Variants in CACNA1H observed in about 807,000 individuals in gnomAD.
The protein encoded by CACNA1H is calcium voltage-gated channel subunit alpha1 H.
Under a neutral mutation model 192.5 loss-of-function variants are expected in CACNA1H, and 149 were observed. The observed-to-expected ratio is 0.77, with a 90% CI of 0.68 to 0.89. CACNA1H has a LOEUF of 0.89. Ranked by LOEUF, CACNA1H falls within the 40% of genes least tolerant of loss-of-function variation. The pLI is 0.00. For synonymous variants in CACNA1H, 2,202 were observed against 1,475.2 expected, an observed-to-expected ratio of 1.49 and a Z score of -11.29; for missense variants, 4,257 against 3,423.5, an observed-to-expected ratio of 1.24 and a Z score of -6.08.
chr16:1,220,869 C>T lies in CACNA1H; in HGVS notation c.6937C>T (p.Pro2313Ser), dbSNP rs1270044133. ...LEPPESEPPM[P>S]VGDPPEKRRG... is the part of the protein sequence containing the mutation. ...ACCCCCAGAATCAGAGCCTCCCATG[C>T]CCGTCGGTGACCCCCCAGAGAAGAG... Residue 2313 changes from proline to serine, a missense_variant, in exon 35 of 35, where the codon CCC becomes TCC. Physicochemically the swap from Pro to Ser is moderately conservative, Grantham distance 74. Transcript: ENST00000348261. The T allele has an allele frequency of 6.2e-7, 1 of 1,612,750 alleles. No homozygotes were observed. The highest frequency in any genetic ancestry group is 1.3e-5 in the African/African-American group (1 of 75,050).
chr16:1,208,071 C>T lies in CACNA1H; in HGVS notation c.3213C>T (p.Ser1071=), dbSNP rs1376286786. ...TPNGHLEGRG[S]LSPPLIMCTA... ...ACGGGCACCTGGAGGGACGAGGCAGCCTGTCCCCTCCCCTCATCATGTGCA... is the reference window on the plus strand; with the variant it reads ...ACGGGCACCTGGAGGGACGAGGCAGTCTGTCCCCTCCCCTCATCATGTGCA... The change falls in exon 16 of 35, where the codon AGC becomes AGT. Residue 1071 remains serine (S), a synonymous_variant. Coordinates refer to ENST00000348261, the MANE Select transcript of CACNA1H (RefSeq NM_021098.3). 3 of 1,603,892 alleles carry T rather than the reference C, an allele frequency of 1.9e-6. No individual in the cohort carries two copies. Among genetic ancestry groups the T allele is most frequent in the Admixed American group, 1.7e-5 (1 of 59,074 alleles).
chr16:1,200,661 AC>A, intron 7 of CACNA1H, 54 bp from the exon 8 acceptor site: 1 of 1,561,194 alleles, frequency 6.4e-7, no homozygotes, highest in African/African-American at 1.4e-5. Flanking sequence ...CCCCAGGGGC[AC>A]GGGGAGGAGG....
Position 1,210,429 on chromosome 16 carries a change from T to C in CACNA1H, c.3905T>C (p.Val1302Ala), listed in dbSNP as rs1292652492. ...AAGATGTTTGATCACGTGGTCCTCGTCTTCATCTTCCTCAACTGCGTCACC... is the reference window on the plus strand; with the variant it reads ...AAGATGTTTGATCACGTGGTCCTCGCCTTCATCTTCCTCAACTGCGTCACC... ...THKMFDHVVL[V>A]FIFLNCVTIA... The change falls in exon 19 of 35, where the codon GTC becomes GCC. Residue 1302 changes from valine to alanine, a missense_variant. Coordinates refer to ENST00000348261, the MANE Select transcript of CACNA1H (RefSeq NM_021098.3). 6.3e-7 allele frequency: 1 copy of C among 1,592,362 alleles called. No homozygotes were observed. Among genetic ancestry groups the C allele is most frequent in the Admixed American group, 1.7e-5 (1 of 59,076 alleles).
rs35907691 is a variant in CACNA1H, at chr16:1,196,067, G to A, written c.643+44G>A. On this transcript the variant is annotated intron_variant, in intron 5 of 34. Transcript: ENST00000348261. ...CTGGGCTTGAGATCAACAGGCTTGC[G>A]TGTCCGCCAGCCCTGCAGAGCTCTC... is the stretch of plus-strand genomic sequence containing the variant. The A allele has an allele frequency of 1.6e-3, 2,386 of 1,478,312 alleles. 34 individuals carry two copies. The African/African-American group carries it at 0.027, about 17-fold the overall frequency. 91.6% of individuals were successfully genotyped at this position (1,478,312 alleles called of 1,614,324 possible).
At chr16:1,208,796 C>T (rs1969068806) in intron 16 of CACNA1H, among the ~76,000 whole-genome samples, 1 of 152,156 alleles carries the variant, frequency 6.6e-6, no homozygotes. Context: ...TGGTTCTGGC[C>T]CCTGACCCAG....
Position 1,209,601 on chromosome 16 carries a change from TC to T in CACNA1H, c.3744+195del, listed in dbSNP as rs370703115. The T allele has an allele frequency of 6.0e-4, 417 of 698,230 alleles. 7 individuals carry two copies. The East Asian group carries it at 9.4e-3, about 16-fold the overall frequency. 43.3% of individuals were successfully genotyped at this position (698,230 alleles called of 1,614,324 possible). A position where few individuals can be genotyped will look rare whatever the true frequency, so the allele number is the denominator to read the frequency against. On this transcript the variant is annotated intron_variant, in intron 17 of 34. Transcript: ENST00000348261. ...GATTCAGCCACAGATGATCCCAGAG[TC>T]CCCCCTCTGCCGTCTAGGGGCTGTG...
rs377633990 is a variant in CACNA1H, at chr16:1,202,359, G to A, written c.1909G>A (p.Ala637Thr). ...STSPGPKGKW[A>T]GGPPGTGGHG... ...CAGCCCCGGACCCAAGGGGAAGTGGGCCGGTGGACCGCCAGGCACCGGGGG... is the reference window on the plus strand; with the variant it reads ...CAGCCCCGGACCCAAGGGGAAGTGGACCGGTGGACCGCCAGGCACCGGGGG... Residue 637 changes from alanine to threonine, a missense_variant, in exon 9 of 35, where the codon GCC (alanine) becomes ACC (threonine). By Grantham distance (58) the Ala-to-Thr change is moderately conservative. Transcript: ENST00000348261. 6.4e-7 allele frequency: 1 copy of A among 1,565,058 alleles called. No individual in the cohort carries two copies. Among genetic ancestry groups the A allele is most frequent in the East Asian group, 2.4e-5 (1 of 41,788 alleles).
chr16:1,169,939 G>A (rs1964196451), intron 2 of CACNA1H, among the ~76,000 whole-genome samples: 1 of 152,236 alleles, frequency 6.6e-6, no homozygotes, highest in African/African-American at 2.4e-5. Context: ...GTTTTTCTGA[G>A]CGTTTGAAAT....
chr16:1,204,714 G>T (rs902830649), intron 10 of CACNA1H, among the ~76,000 whole-genome samples: 1 of 152,104 alleles, frequency 6.6e-6, no homozygotes, highest in Non-Finnish European at 1.5e-5. Flanking sequence ...CAGCCCTCTT[G>T]ACCCTTTGGG....
Position 1,200,297 on chromosome 16 carries a change from A to G in CACNA1H, c.845A>G (p.Glu282Gly). 1 of 1,605,892 alleles carries G rather than the reference A, an allele frequency of 6.2e-7. No individual in the cohort carries two copies. The highest frequency in any genetic ancestry group is 8.5e-7 in the Non-Finnish European group (1 of 1,176,510). The change falls in exon 7 of 35, where the codon GAG becomes GGG. Residue 282 changes from glutamate to glycine, a missense_variant. By Grantham distance (98) the Glu-to-Gly change is moderately conservative (BLOSUM62 -2). Transcript: ENST00000348261. ...TTCCTGCGGCCGTACTACCAGACGG[A>G]GGAGGGCGAGGAGAACCCGTTCATC... Reference protein sequence around the residue: ...LTFLRPYYQTEEGEENPFICS... With the variant: ...LTFLRPYYQTGEGEENPFICS...
intron 2 of CACNA1H, among the ~76,000 whole-genome samples, chr16:1,177,314 A>T (rs539433481): frequency 6.6e-6 from 1 of 152,238 alleles, no homozygotes; most frequent in Admixed American, 6.5e-5. Flanking sequence ...CCCGGCTCTG[A>T]CATTTACACA....
Position 1,153,712 on chromosome 16 carries a change from C to T in CACNA1H, c.-18-8C>T, listed in dbSNP as rs1363630441. 9.2e-6 allele frequency: 11 copies of T among 1,198,388 alleles called. No homozygotes were observed. Among genetic ancestry groups the T allele is most frequent in the African/African-American group, 1.6e-5 (1 of 62,552 alleles). 74.2% of individuals were successfully genotyped at this position (1,198,388 alleles called of 1,614,324 possible). A position where few individuals can be genotyped will look rare whatever the true frequency, so the allele number is the denominator to read the frequency against. ...CACCGGCCCCGGGTCACCCCCTGTC[C>T]TCTGCAGGTGCTGCCGGCCGCCACC... On this transcript the variant is annotated splice_polypyrimidine_tract_variant and splice_region_variant and intron_variant, in intron 1 of 34. Coordinates refer to ENST00000348261, the MANE Select transcript of CACNA1H (RefSeq NM_021098.3).
rs12922269 is a variant in CACNA1H, at chr16:1,199,506, T to C, written c.803+732T>C. Among the ~76,000 whole-genome samples, 42 of 137,752 alleles carry C rather than the reference T, an allele frequency of 3.0e-4. 8 individuals are homozygous for C. The highest frequency in any genetic ancestry group is 8.7e-4 in the African/African-American group (29 of 33,368). 90.4% of individuals were successfully genotyped at this position (137,752 alleles called of 152,430 possible). ...CCACCGTGCGGTCATTGCACATATG[T>C]CCCACCCCCAGTGCTGCCACCTCTC... On this transcript the variant is annotated intron_variant, in intron 6 of 34. Transcript: ENST00000348261.
In CACNA1H at chr16:1,184,805, C is replaced by G. The variant is rs185383621; in HGVS notation, c.300-10167C>G. On this transcript the variant is annotated intron_variant, in intron 2 of 34. Transcript: ENST00000348261. ...GGCGACTGCAGACAGGTGCGGGGCT[C>G]CAGCGAAGGGAAGCTGCCATTTAAA... Among the ~76,000 whole-genome samples, 22 of 152,354 alleles carry G rather than the reference C, an allele frequency of 1.4e-4. No homozygotes were observed. In the East Asian group the frequency reaches 4.0e-3, roughly 28 times the overall value.
intron 2 of CACNA1H, among the ~76,000 whole-genome samples, chr16:1,160,823 G>GGCC (rs1963098699): frequency 6.6e-6 from 1 of 152,122 alleles, no homozygotes; most frequent in East Asian, 1.9e-4. Context: ...GGGTGGGTGT[G>GGCC]GCCGCCGCCT....
intron 2 of CACNA1H, chr16:1,158,089 C>G (rs543563102): frequency 6.6e-6 from 1 of 152,430 alleles, no homozygotes; most frequent in African/African-American, 2.4e-5. Flanking sequence ...ACTGGCATTG[C>G]AGTGTTCCTG....
intron 13 of CACNA1H, 39 bp from the exon 14 acceptor site, chr16:1,207,236 G>T: frequency 6.4e-7 from 1 of 1,570,926 alleles, no homozygotes; most frequent in Non-Finnish European, 8.6e-7. Context: ...GGCATTTCGG[G>T]GCTGGGGTGA....
chr16:1,179,796 G>C lies in CACNA1H; in HGVS notation c.300-15176G>C, dbSNP rs189173459. 3.7e-4 allele frequency among the ~76,000 whole-genome samples: 53 copies of C among 143,090 alleles called. No individual in the cohort carries two copies. The Admixed American group carries it at 3.8e-3, about 10-fold the overall frequency. 93.9% of individuals were successfully genotyped at this position (143,090 alleles called of 152,430 possible). A position where few individuals can be genotyped will look rare whatever the true frequency, so the allele number is the denominator to read the frequency against. ...GTCGCCCAGGTTGGAGTGCAGTGGC[G>C]TGATCTCCGCTCACTGCAACCTCTG... On this transcript the variant is annotated intron_variant, in intron 2 of 34. Transcript: ENST00000348261.
At chr16:1,215,747 T>G (rs1452626957) in intron 30 of CACNA1H, among the ~76,000 whole-genome samples, 154 bp downstream of exon 30, 1 of 152,184 alleles carries the variant, frequency 6.6e-6, no homozygotes, top group Non-Finnish European at 1.5e-5. Flanking sequence ...GTGCATGGCT[T>G]GGCTGGGCTG....
Sources: allele counts gnomAD v4.1 joint callset (sites outside exome capture counted in the v4.1 genomes callset), GRCh38; gene constraint gnomAD v4.1.1; transcripts MANE v1.5; gene names NCBI Gene and HGNC (gene_info 2026-07-23, HGNC 2026-07-21).